The following VWA8 variants were observed in gnomAD, a reference collection of about 807,000 sequenced individuals.
The protein encoded by VWA8 is von Willebrand factor A domain containing 8.
A neutral mutation model predicts 241.5 loss-of-function variants in VWA8; 221 were observed. The ratio of observed to expected loss-of-function variants is 0.91; its 90% CI spans 0.82 to 1.02. The LOEUF is 1.02. Among genes scored for constraint, VWA8 ranks in the 50% least tolerant of loss-of-function variants. VWA8 has a pLI of 0.00. For synonymous variants in VWA8, 852 were observed against 827.1 expected (o/e 1.03, Z -0.52); for missense variants, 2,322 against 2,328.7 (o/e 1.00, Z 0.06).
intron 42 of VWA8, among the ~76,000 whole-genome samples, chr13:41,578,542 A>G (rs2044364191): frequency 6.6e-6 from 1 of 152,194 alleles, no homozygotes; most frequent in Admixed American, 6.5e-5. Context: ...GTGTGGGTTA[A>G]TGGAAAAGAT....
intron 42 of VWA8, among the ~76,000 whole-genome samples, chr13:41,583,659 A>AAAAC (rs1566376282): frequency 6.6e-6 from 1 of 151,168 alleles, no homozygotes; most frequent in Non-Finnish European, 1.5e-5. Context: ...AAAAAAAAAA[A>AAAAC]AAACAAACAA....
At chr13:41,706,753 C>A (rs1232790293) in intron 26 of VWA8, among the ~76,000 whole-genome samples, 2 of 152,178 alleles carry the variant, frequency 1.3e-5, no homozygotes, top group African/African-American at 4.8e-5. Flanking sequence ...ACTATGTCAT[C>A]CAACTCTGAC....
At chr13:41,585,706 A>G (rs1427695263) in intron 42 of VWA8, among the ~76,000 whole-genome samples, 1 of 151,948 alleles carries the variant, frequency 6.6e-6, no homozygotes, top group Non-Finnish European at 1.5e-5. Flanking sequence ...TCTACTAAAA[A>G]TACAAAAATT....
At position 41,719,725 on chromosome 13, in the gene VWA8, A is replaced by C; in HGVS notation, c.2982T>G (p.Gly994=). The C allele has an allele frequency of 2.5e-6, 4 of 1,606,110 alleles. No homozygotes were observed. The highest frequency in any genetic ancestry group is 3.4e-6 in the Non-Finnish European group (4 of 1,177,376). ...VKHLQKFPTE[G]LSSVVRNVFD... ...ACACATTTCGAACTACACTGGAGAG[A>C]CCTTCAGTCGGAAATTTCTGTATTA... The change falls in exon 26 of 45, where the codon GGT becomes GGG. Residue 994 remains glycine (G), a synonymous_variant. Transcript: ENST00000379310.
chr13:41,818,338 AG>A (rs112629582), intron 15 of VWA8, among the ~76,000 whole-genome samples: 119,832 of 148,448 alleles, frequency 0.81, 49,277 homozygotes, highest in East Asian at 1. Flanking sequence ...TGGGAGGCCA[AG>A]GGGGGGTGGA....
chr13:41,773,436 T>C (rs1290861869), intron 20 of VWA8, among the ~76,000 whole-genome samples: 1 of 152,140 alleles, frequency 6.6e-6, no homozygotes, highest in African/African-American at 2.4e-5. Context: ...ACTGCAAAAA[T>C]ATACATTCCC....
chr13:41,632,899 C>T (rs1278061281), intron 37 of VWA8, among the ~76,000 whole-genome samples: 1 of 152,142 alleles, frequency 6.6e-6, no homozygotes, highest in Non-Finnish European at 1.5e-5. Context: ...AAAATAATAA[C>T]ATAAGGAAAG....
At chr13:41,691,532 C>G in intron 31 of VWA8, 87 bp from the exon 32 acceptor site, 1 of 1,451,282 alleles carries the variant, frequency 6.9e-7, no homozygotes, top group Non-Finnish European at 9.2e-7. Flanking sequence ...ATACATTATG[C>G]AACCCATAAA....
At chr13:41,723,495 C>T (rs1417342537) in intron 24 of VWA8, among the ~76,000 whole-genome samples, 1 of 152,058 alleles carries the variant, frequency 6.6e-6, no homozygotes, top group African/African-American at 2.4e-5. Context: ...GCAGGGCGAC[C>T]CATTAGGGGA....
At chr13:41,765,675 AC>A (rs2045774407) in intron 20 of VWA8, among the ~76,000 whole-genome samples, 1 of 152,126 alleles carries the variant, frequency 6.6e-6, no homozygotes, top group African/African-American at 2.4e-5. Context: ...AACAATAATC[AC>A]CCAATGTCCA....
At chr13:41,730,171 G>A (rs2045471288) in intron 22 of VWA8, among the ~76,000 whole-genome samples, 1 of 152,108 alleles carries the variant, frequency 6.6e-6, no homozygotes, top group African/African-American at 2.4e-5. Flanking sequence ...TCAAGACAAA[G>A]AGAATCAATG....
intron 2 of VWA8, among the ~76,000 whole-genome samples, chr13:41,927,929 AACC>A (rs1471534018): frequency 2.6e-5 from 4 of 152,204 alleles, no homozygotes; most frequent in African/African-American, 9.6e-5. Flanking sequence ...TGGAAATGGT[AACC>A]AAAAGAAAGC....
intron 4 of VWA8, among the ~76,000 whole-genome samples, chr13:41,907,341 GA>G (rs1875768046): frequency 6.6e-6 from 1 of 152,174 alleles, no homozygotes; most frequent in Non-Finnish European, 1.5e-5. Context: ...TTAAAATTAT[GA>G]AATCAGCACA....
At chr13:41,816,628 T>C (rs190645366) in intron 16 of VWA8, 70 bp downstream of exon 16, 46 of 1,448,226 alleles carry the variant, frequency 3.2e-5, no homozygotes, top group Admixed American at 1.2e-4. Flanking sequence ...TTTTAAGTAC[T>C]GAATTCTAAG....
At chr13:41,586,997 G>A (rs1434619806) in intron 42 of VWA8, among the ~76,000 whole-genome samples, 1 of 152,070 alleles carries the variant, frequency 6.6e-6, no homozygotes, top group Non-Finnish European at 1.5e-5. Flanking sequence ...CTAAAATGGA[G>A]GGTGTGCAGC....
At chr13:41,869,790 A>G (rs1466399338) in intron 9 of VWA8, among the ~76,000 whole-genome samples, 1 of 152,266 alleles carries the variant, frequency 6.6e-6, no homozygotes, top group African/African-American at 2.4e-5. Flanking sequence ...AGATGAAAAT[A>G]AATTGAAAAT....
chr13:41,576,020 T>C (rs2044348671), intron 42 of VWA8, among the ~76,000 whole-genome samples, 182 bp from the exon 43 acceptor site: 1 of 152,220 alleles, frequency 6.6e-6, no homozygotes, highest in African/African-American at 2.4e-5. Context: ...TGAGAAACTC[T>C]TGTCTACTGA....
At chr13:41,931,279 T>TAAAAAAAAAAAAAAAAAAAAAAAAAAAA (rs67470859) in intron 2 of VWA8, among the ~76,000 whole-genome samples, 1 of 90,330 alleles carries the variant, frequency 1.1e-5, no homozygotes. Flanking sequence ...GACCCAGGGT[T>TAAAAAAAAAAAAAAAAAAAAAAAAAAAA]AAAAAAAAAA....
intron 12 of VWA8, among the ~76,000 whole-genome samples, chr13:41,863,432 T>TATATATAC (rs1873122460): frequency 1.3e-5 from 1 of 79,954 alleles, no homozygotes; most frequent in Non-Finnish European, 2.7e-5. Context: ...TGTGTGTGTG[T>TATATATAC]GTATATATAT....
Sources: gnomAD v4.1 joint callset for allele counts (sites outside exome capture counted in the v4.1 genomes callset) on GRCh38, gnomAD v4.1.1 for gene constraint, MANE v1.5 for transcripts, NCBI Gene and HGNC (gene_info 2026-07-23, HGNC 2026-07-21) for gene names.